The following MCC variants were observed in gnomAD, a reference collection of about 807,000 sequenced individuals.
MCC encodes MCC regulator of Wnt signaling pathway.
Under a neutral mutation model 116.2 loss-of-function variants are expected in MCC, and 90 were observed. The ratio of observed to expected loss-of-function variants is 0.77; its 90% confidence interval spans 0.65 to 0.92. The LOEUF (loss-of-function observed/expected upper bound fraction) is 0.92. Ranked by LOEUF, MCC falls within the 40% of genes least tolerant of loss-of-function variation. The pLI is 0.00. For synonymous variants in MCC, 578 were observed against 510.5 expected (o/e 1.13, Z -1.78); for missense variants, 1,516 against 1,312.2 (o/e 1.16, Z -2.40).
intron 3 of MCC, among the ~76,000 whole-genome samples, chr5:113,279,645 T>C (rs1355464061): frequency 6.6e-6 from 1 of 152,242 alleles, no homozygotes; most frequent in African/African-American, 2.4e-5. Context: ...CTTCTAATAC[T>C]ATTCATTTTT....
intron 1 of MCC, among the ~76,000 whole-genome samples, chr5:113,394,592 CAT>C (rs895464980): frequency 2.6e-4 from 39 of 152,350 alleles, no homozygotes; most frequent in Admixed American, 1.6e-3. Flanking sequence ...CTGCTTTGCA[CAT>C]GTTTGTCCCT....
chr5:113,460,503 A>C (rs2150425220), intron 1 of MCC, among the ~76,000 whole-genome samples: 1 of 152,272 alleles, frequency 6.6e-6, no homozygotes. Flanking sequence ...GCTCACCCCC[A>C]GTGGGTCAGA....
intron 1 of MCC, among the ~76,000 whole-genome samples, chr5:113,449,713 C>T (rs1195679445): frequency 6.6e-6 from 1 of 152,192 alleles, no homozygotes; most frequent in Non-Finnish European, 1.5e-5. Context: ...ATAGCTGTTA[C>T]ATCCCAGGAC....
intron 3 of MCC, among the ~76,000 whole-genome samples, chr5:113,291,568 C>T (rs927395065): frequency 1.3e-5 from 2 of 152,054 alleles, no homozygotes; most frequent in African/African-American, 4.8e-5. Flanking sequence ...CCCTGAAATG[C>T]CTACTAAACA....
intron 2 of MCC, among the ~76,000 whole-genome samples, chr5:113,348,890 C>G (rs367648822): frequency 6.6e-6 from 1 of 151,894 alleles, no homozygotes; most frequent in African/African-American, 2.4e-5. Flanking sequence ...ACTGATACTG[C>G]AGAAATTCAA....
chr5:113,166,518 G>A (rs1406184844), intron 3 of MCC, among the ~76,000 whole-genome samples: 14 of 151,906 alleles, frequency 9.2e-5, no homozygotes, highest in Admixed American at 8.5e-4. Flanking sequence ...GGAACAGCGT[G>A]GGTGATAATA....
intron 15 of MCC, among the ~76,000 whole-genome samples, chr5:113,051,651 A>T (rs1235259402): frequency 6.6e-6 from 1 of 152,182 alleles, no homozygotes; most frequent in East Asian, 1.9e-4. Context: ...CTTCCAGCCC[A>T]AGGGCGAGGC....
intron 2 of MCC, among the ~76,000 whole-genome samples, chr5:113,382,954 G>A (rs1246911100): frequency 6.6e-6 from 1 of 152,162 alleles, no homozygotes. Context: ...ATCACCTCCT[G>A]TCAGTTACCA....
chr5:113,027,147 C>CA lies in MCC; in HGVS notation c.*154dup. The CA allele has an allele frequency of 1.4e-6, 1 of 710,712 alleles. No homozygotes were observed. The highest frequency in any genetic ancestry group is 2.7e-5 in the East Asian group (1 of 36,808). The allele number at this position is 710,712 out of a possible 1,614,324, so 44.0% of individuals were successfully genotyped here. A position where few individuals can be genotyped will look rare whatever the true frequency, so the allele number is the denominator to read the frequency against. On this transcript the variant is annotated 3_prime_UTR_variant, in exon 19 of 19. Transcript: ENST00000408903. ...ACAATGTCACCATGGCCAGTCGCCC[C>CA]AAGGGTTGAGTTGGGGCACTCCATT...
At position 113,081,144 on chromosome 5, in the gene MCC, G is replaced by A. The variant is rs111383904; in HGVS notation, c.1784+1716C>T. Among the ~76,000 whole-genome samples the A allele has an allele frequency of 1.5e-3, 233 of 152,280 alleles. 3 individuals carry two copies. The highest frequency in any genetic ancestry group is 5.3e-3 in the African/African-American group (222 of 41,542). On this transcript the variant is annotated intron_variant, in intron 11 of 18. Transcript: ENST00000408903. ...GAGAGTAATAGGCCTCCAACTTTGA[G>A]GTAGTTAGAATAGCAGACATCAGGA...
Position 113,083,013 on chromosome 5 carries a change from A to G in MCC, c.1636-5T>C, listed in dbSNP as rs545883962. 1.2e-5 allele frequency: 19 copies of G among 1,608,940 alleles called. No individual in the cohort carries two copies. Among genetic ancestry groups the G allele is most frequent in the Non-Finnish European group, 1.5e-5 (18 of 1,178,364 alleles). On this transcript the variant is annotated splice_polypyrimidine_tract_variant and splice_region_variant and intron_variant, in intron 10 of 18. Transcript: ENST00000408903. ...TTCAGCCACACTGCTGGATACCTGC[A>G]AAAAGAAGCATTAATTCCCCTTTGG...
intron 6 of MCC, among the ~76,000 whole-genome samples, chr5:113,119,909 T>G (rs1391010226): frequency 3.3e-5 from 5 of 152,212 alleles, no homozygotes; most frequent in African/African-American, 1.2e-4. Context: ...GACACTGCCT[T>G]CTGTGTGAGG....
chr5:113,470,511 C>G (rs1217357363), intron 1 of MCC, among the ~76,000 whole-genome samples: 1 of 152,132 alleles, frequency 6.6e-6, no homozygotes, highest in African/African-American at 2.4e-5. Context: ...ATATTCGTCC[C>G]CACTCTCTTC....
chr5:113,047,598 G>A (rs1752180917), intron 16 of MCC, among the ~76,000 whole-genome samples: 1 of 152,176 alleles, frequency 6.6e-6, no homozygotes, highest in Non-Finnish European at 1.5e-5. Context: ...CTGCACTTAT[G>A]CTATGAGAAG....
In MCC at chr5:113,287,391, C is replaced by T. The variant is rs374420267; in HGVS notation, c.627+53128G>A. 2.0e-4 allele frequency among the ~76,000 whole-genome samples: 30 copies of T among 152,206 alleles called. 4 individuals are homozygous for T. The highest frequency in any genetic ancestry group is 7.2e-4 in the Admixed American group (11 of 15,292). On this transcript the variant is annotated intron_variant, in intron 3 of 18. Coordinates refer to ENST00000408903, the MANE Select transcript of MCC (RefSeq NM_001085377.2). Reference sequence around the variant, plus strand: ...TCGCCCAGGCTGGAGTGCTGTGGTGCGATCTTGGCTCACTGCAACCTCCAC... The same window carrying T: ...TCGCCCAGGCTGGAGTGCTGTGGTGTGATCTTGGCTCACTGCAACCTCCAC...
At chr5:113,284,836 C>G (rs531108106) in intron 3 of MCC, among the ~76,000 whole-genome samples, 1 of 152,208 alleles carries the variant, frequency 6.6e-6, no homozygotes, top group African/African-American at 2.4e-5. Context: ...TGTTATAAAT[C>G]AATAAATTGA....
intron 1 of MCC, among the ~76,000 whole-genome samples, chr5:113,409,937 C>T: frequency 7.2e-6 from 1 of 138,528 alleles, no homozygotes; most frequent in East Asian, 2.0e-4. Context: ...TATTTATAAT[C>T]ATATTTTCCA....
In MCC at chr5:113,474,482, T is replaced by G. The variant is rs565579752; in HGVS notation, c.170+13763A>C. Among the ~76,000 whole-genome samples the G allele has an allele frequency of 2.0e-5, 3 of 152,242 alleles. No homozygotes were observed. The East Asian group carries it at 5.8e-4, about 29-fold the overall frequency. On this transcript the variant is annotated intron_variant, in intron 1 of 18. Transcript: ENST00000408903. ...AGAGGAATGCAGCAAGAGATAATGCTGGAGGGGGAGTGGAGTCACCGTGCC... is the reference window on the plus strand; with the variant it reads ...AGAGGAATGCAGCAAGAGATAATGCGGGAGGGGGAGTGGAGTCACCGTGCC...
intron 3 of MCC, among the ~76,000 whole-genome samples, chr5:113,256,277 G>A (rs1363948351): frequency 6.6e-6 from 1 of 152,118 alleles, no homozygotes; most frequent in Non-Finnish European, 1.5e-5. Context: ...TCCCAGCACT[G>A]CTTATTTCAT....
Sources: allele counts gnomAD v4.1 joint callset (sites outside exome capture counted in the v4.1 genomes callset), GRCh38; gene constraint gnomAD v4.1.1; transcripts MANE v1.5; gene names NCBI Gene and HGNC (gene_info 2026-07-23, HGNC 2026-07-21).